The following ABCB1 variants were observed in gnomAD, a reference collection of about 807,000 sequenced individuals.
ABCB1 encodes the protein ATP binding cassette subfamily B member 1.
In ABCB1, 69 loss-of-function variants were observed where a neutral mutation model predicts 142.0. The ratio of observed to expected loss-of-function variants is 0.49; its 90% CI spans 0.40 to 0.59. The LOEUF is 0.59. ABCB1 is among the 20% of genes least tolerant of loss of function. The pLI, the probability that ABCB1 is intolerant of heterozygous loss-of-function variation, is 0.00. For missense variants in ABCB1, 1,326 were observed against 1,554.7 expected (o/e 0.85, Z 2.47); for synonymous variants, 532 against 539.2 (o/e 0.99, Z 0.18).
intron 1 of ABCB1, among the ~76,000 whole-genome samples, chr7:87,705,910 C>T (rs573349711): frequency 3.4e-4 from 52 of 151,854 alleles, no homozygotes; most frequent in Non-Finnish European, 6.3e-4. Context: ...CAAGAAATCC[C>T]TTCTCCTTCT....
chr7:87,524,350 T>C (rs1251248605), intron 21 of ABCB1, among the ~76,000 whole-genome samples: 5 of 152,338 alleles, frequency 3.3e-5, no homozygotes, highest in South Asian at 4.1e-4. Context: ...ATAAAAATGA[T>C]ATATAGTCAC....
upstream of ABCB1, among the ~76,000 whole-genome samples, chr7:87,604,674 G>A (rs1819583177): frequency 1.3e-5 from 2 of 151,910 alleles, no homozygotes; most frequent in South Asian, 4.2e-4. Flanking sequence ...TTCAGAGGTC[G>A]TTTGTCTTGC....
chr7:87,528,055 T>A (rs1206686807), intron 21 of ABCB1, among the ~76,000 whole-genome samples: 1 of 152,152 alleles, frequency 6.6e-6, no homozygotes, highest in Non-Finnish European at 1.5e-5. Context: ...CTCCCCTTTA[T>A]AAAATCATCA....
chr7:87,665,840 G>T (rs1226148569), intron 1 of ABCB1, among the ~76,000 whole-genome samples: 3 of 152,014 alleles, frequency 2.0e-5, no homozygotes, highest in African/African-American at 7.2e-5. Context: ...ATGATCTCCA[G>T]CTTGATCCAT....
chr7:87,549,073 T>G (rs1302278106), intron 14 of ABCB1, among the ~76,000 whole-genome samples: 1 of 152,244 alleles, frequency 6.6e-6, no homozygotes, highest in Admixed American at 6.5e-5. Flanking sequence ...TGTCTATATT[T>G]CTATTTTTTA....
intron 21 of ABCB1, among the ~76,000 whole-genome samples, chr7:87,522,677 GA>G (rs1397637969): frequency 6.6e-6 from 1 of 152,058 alleles, no homozygotes; most frequent in Non-Finnish European, 1.5e-5. Flanking sequence ...TTTTAATGTA[GA>G]TTTTTTTTGG....
chr7:87,536,776 T>C (rs1816313985), intron 19 of ABCB1, among the ~76,000 whole-genome samples: 1 of 152,190 alleles, frequency 6.6e-6, no homozygotes, highest in African/African-American at 2.4e-5. Context: ...TTCTAAGTGT[T>C]GGACCTGTAC....
At chr7:87,592,630 T>A (rs1197640646) in intron 3 of ABCB1, among the ~76,000 whole-genome samples, 2 of 152,232 alleles carry the variant, frequency 1.3e-5, no homozygotes, top group African/African-American at 4.8e-5. Flanking sequence ...GAGTCTACCC[T>A]GCTTAGTAGC....
chr7:87,707,349 A>G (rs923638009), intron 1 of ABCB1, among the ~76,000 whole-genome samples: 1 of 152,170 alleles, frequency 6.6e-6, no homozygotes, highest in African/African-American at 2.4e-5. Context: ...TTACTAGACA[A>G]CTGAAATACA....
chr7:87,564,648 C>A (rs1563054747), intron 7 of ABCB1, among the ~76,000 whole-genome samples: 2 of 152,188 alleles, frequency 1.3e-5, no homozygotes, highest in Admixed American at 1.3e-4. Context: ...AACTACATTT[C>A]TTTTTTGATA....
intron 21 of ABCB1, among the ~76,000 whole-genome samples, chr7:87,528,549 G>A (rs1016359885): frequency 2.6e-5 from 4 of 152,090 alleles, no homozygotes; most frequent in Non-Finnish European, 4.4e-5. Context: ...AACCCGTGCT[G>A]TTCAAGGGTC....
Position 87,584,959 on chromosome 7 carries a change from A to C in ABCB1, c.286+553T>G, listed in dbSNP as rs7809208. Among the ~76,000 whole-genome samples, 34,013 of 147,524 alleles carry C rather than the reference A, an allele frequency of 0.23. 4,869 individuals carry two copies. Among genetic ancestry groups the C allele is most frequent in the African/African-American group, 0.41 (15,672 of 38,568 alleles). On this transcript the variant is annotated intron_variant, in intron 4 of 27. Transcript: ENST00000622132. ...TTATCCTATCCTAAAATACCCCCCC[A>C]CACACACACACACAATTTTGCCCCA...
At chr7:87,545,309 A>T (rs1816727080) in intron 15 of ABCB1, among the ~76,000 whole-genome samples, 1 of 152,200 alleles carries the variant, frequency 6.6e-6, no homozygotes, top group African/African-American at 2.4e-5. Context: ...TTTACTCTGG[A>T]TCAGTGCTTT....
intron 1 of ABCB1, among the ~76,000 whole-genome samples, chr7:87,654,702 G>A (rs1025301741): frequency 3.9e-5 from 6 of 151,930 alleles, no homozygotes; most frequent in Non-Finnish European, 7.4e-5. Flanking sequence ...ACAAGCACAG[G>A]CAACTAAAGG....
intron 1 of ABCB1, among the ~76,000 whole-genome samples, chr7:87,689,715 T>C (rs1410541686): frequency 6.6e-6 from 1 of 152,144 alleles, no homozygotes; most frequent in African/African-American, 2.4e-5. Context: ...TTCCTACATC[T>C]TTCTGATGTT....
chr7:87,583,716 CTG>C (rs1203241350), intron 4 of ABCB1, among the ~76,000 whole-genome samples: 2 of 151,000 alleles, frequency 1.3e-5, no homozygotes, highest in Non-Finnish European at 2.9e-5. Flanking sequence ...AGTGAGTTTA[CTG>C]TGTGTCTTAG....
intron 1 of ABCB1, among the ~76,000 whole-genome samples, chr7:87,656,646 A>G (rs2130419105): frequency 6.6e-6 from 1 of 152,306 alleles, no homozygotes. Flanking sequence ...AAACAGAGTT[A>G]GATTTAGTCT....
intron 1 of ABCB1, among the ~76,000 whole-genome samples, chr7:87,687,665 A>AT (rs1827602519): frequency 2.0e-5 from 3 of 151,910 alleles, no homozygotes; most frequent in Non-Finnish European, 4.4e-5. Flanking sequence ...TAATTTCTTT[A>AT]TTTTTTTCTG....
chr7:87,683,603 A>G (rs1827153050), intron 1 of ABCB1, among the ~76,000 whole-genome samples: 1 of 152,206 alleles, frequency 6.6e-6, no homozygotes, highest in Non-Finnish European at 1.5e-5. Context: ...ACACACATTT[A>G]TCAATTAAGC....
Sources: allele counts gnomAD v4.1 joint callset (sites outside exome capture counted in the v4.1 genomes callset), GRCh38; gene constraint gnomAD v4.1.1; transcripts MANE v1.5; gene names NCBI Gene and HGNC (gene_info 2026-07-23, HGNC 2026-07-21).